The following EPHA5 variants were observed in gnomAD, a reference collection of about 807,000 sequenced individuals.
EPHA5 encodes EPH receptor A5, also known as ephrin type-A receptor 5.
EPHA5 carries 60 observed loss-of-function variants against 105.0 expected under a neutral mutation model. The ratio of observed to expected loss-of-function variants is 0.57; its 90% CI spans 0.46 to 0.71. The LOEUF (loss-of-function observed/expected upper bound fraction) is 0.71. Among genes scored for constraint, EPHA5 ranks in the 30% least tolerant of loss-of-function variants. EPHA5 has a pLI of 0.00. For missense variants in EPHA5, 1,218 were observed against 1,274.7 expected (o/e 0.96, Z 0.68); for synonymous variants, 513 against 449.1 (o/e 1.14, Z -1.80).
chr4:65,369,206 GATTATGTCTACACA>G (rs1718217772), intron 8 of EPHA5, among the ~76,000 whole-genome samples: 1 of 152,136 alleles, frequency 6.6e-6, no homozygotes, highest in African/African-American at 2.4e-5. Context: ...AAGATGTTTT[GATTATGTCTACACA>G]ATGACAGGTG....
At chr4:65,414,563 A>G (rs1325868615) in intron 6 of EPHA5, 120 bp from the exon 7 acceptor site, 3 of 1,093,260 alleles carry the variant, frequency 2.7e-6, no homozygotes, top group South Asian at 3.3e-5. Context: ...TAGTACAAAT[A>G]TAACATTTTA....
intron 2 of EPHA5, among the ~76,000 whole-genome samples, chr4:65,608,417 T>C (rs1000913816): frequency 2.0e-5 from 3 of 150,856 alleles, no homozygotes; most frequent in Non-Finnish European, 2.9e-5. Flanking sequence ...GGCAGGAGAA[T>C]GGCATGAACC....
chr4:65,358,966 T>C (rs1459267774), intron 11 of EPHA5, among the ~76,000 whole-genome samples: 1 of 151,628 alleles, frequency 6.6e-6, no homozygotes. Flanking sequence ...AAGTGGTTAA[T>C]ACAGTAATTA....
At chr4:65,555,772 A>G (rs1225867069) in intron 3 of EPHA5, among the ~76,000 whole-genome samples, 2 of 141,476 alleles carry the variant, frequency 1.4e-5, no homozygotes, top group Non-Finnish European at 2.9e-5. Flanking sequence ...ACAATGAGAT[A>G]TATACCATAT....
intron 2 of EPHA5, among the ~76,000 whole-genome samples, chr4:65,610,357 G>A (rs1744651683): frequency 6.6e-6 from 1 of 151,780 alleles, no homozygotes; most frequent in Non-Finnish European, 1.5e-5. Flanking sequence ...CAGACACTAG[G>A]GACTGCTTGA....
intron 3 of EPHA5, among the ~76,000 whole-genome samples, chr4:65,598,969 G>A (rs545177015): frequency 6.6e-6 from 1 of 151,992 alleles, no homozygotes; most frequent in Non-Finnish European, 1.5e-5. Flanking sequence ...TGTGAAGGGG[G>A]GAGGTTTCAG....
At chr4:65,343,623 T>C (rs997634168) in intron 14 of EPHA5, among the ~76,000 whole-genome samples, 4 of 152,342 alleles carry the variant, frequency 2.6e-5, no homozygotes, top group Middle Eastern at 3.4e-3. Context: ...TTAAATATAG[T>C]TGATTTGTCA....
At chr4:65,331,861 C>A in intron 16 of EPHA5, 112 bp downstream of exon 16, 2 of 1,446,590 alleles carry the variant, frequency 1.4e-6, no homozygotes, top group African/African-American at 2.9e-5. Context: ...TCTTTGAGAG[C>A]TGCCACACAT....
chr4:65,626,499 C>T (rs1432317812), intron 2 of EPHA5, among the ~76,000 whole-genome samples: 3 of 152,160 alleles, frequency 2.0e-5, no homozygotes, highest in South Asian at 4.1e-4. Context: ...TACTGCTTCA[C>T]GTATTTAATT....
intron 3 of EPHA5, among the ~76,000 whole-genome samples, chr4:65,595,788 G>C (rs968171202): frequency 1.3e-5 from 2 of 151,996 alleles, no homozygotes; most frequent in Non-Finnish European, 2.9e-5. Flanking sequence ...CACCATGTTA[G>C]CCAGGATGGT....
intron 3 of EPHA5, among the ~76,000 whole-genome samples, chr4:65,560,837 T>C (rs1207173380): frequency 6.6e-6 from 1 of 152,096 alleles, no homozygotes; most frequent in African/African-American, 2.4e-5. Flanking sequence ...GATTTTATGC[T>C]TTCAGTCCTT....
intron 3 of EPHA5, among the ~76,000 whole-genome samples, chr4:65,507,175 G>T (rs891980064): frequency 9.9e-5 from 15 of 152,222 alleles, no homozygotes; most frequent in Admixed American, 7.9e-4. Context: ...TCAGATAGTT[G>T]TAGATATGTG....
intron 4 of EPHA5, among the ~76,000 whole-genome samples, chr4:65,491,126 A>C (rs772492736): frequency 4.7e-4 from 71 of 152,146 alleles, no homozygotes; most frequent in Non-Finnish European, 9.6e-4. Context: ...ACTAAGAAAC[A>C]AGCATAGGAA....
intron 3 of EPHA5, among the ~76,000 whole-genome samples, chr4:65,505,760 ATT>A (rs957346363): frequency 2.0e-5 from 3 of 152,088 alleles, no homozygotes; most frequent in African/African-American, 7.2e-5. Context: ...ATTTGTAATT[ATT>A]TTTTAAGTTT....
At chr4:65,381,677 T>C (rs1719577638) in intron 8 of EPHA5, among the ~76,000 whole-genome samples, 1 of 151,822 alleles carries the variant, frequency 6.6e-6, no homozygotes, top group Non-Finnish European at 1.5e-5. Context: ...GTACTAAATG[T>C]GTTTCCGCCA....
intron 2 of EPHA5, among the ~76,000 whole-genome samples, chr4:65,622,904 G>A (rs1745828892): frequency 6.6e-6 from 1 of 152,030 alleles, no homozygotes; most frequent in Non-Finnish European, 1.5e-5. Context: ...TAAGAACTGA[G>A]TGTCTGGCAC....
At chr4:65,474,371 A>G (rs2149169897) in intron 5 of EPHA5, among the ~76,000 whole-genome samples, 1 of 152,302 alleles carries the variant, frequency 6.6e-6, no homozygotes, top group East Asian at 1.9e-4. Context: ...GGCAGATACA[A>G]CCAAAGCAAA....
chr4:65,422,139 G>T (rs1724003798), intron 5 of EPHA5, among the ~76,000 whole-genome samples: 1 of 152,078 alleles, frequency 6.6e-6, no homozygotes. Flanking sequence ...CAGTTCAGTA[G>T]CTAAGAATAC....
At chr4:65,527,978 A>C (rs1735401741) in intron 3 of EPHA5, among the ~76,000 whole-genome samples, 1 of 152,122 alleles carries the variant, frequency 6.6e-6, no homozygotes, top group Admixed American at 6.6e-5. Context: ...TTTGCTAAGG[A>C]TAAACATTTT....
Sources: gnomAD v4.1 joint callset for allele counts (sites outside exome capture counted in the v4.1 genomes callset) on GRCh38, gnomAD v4.1.1 for gene constraint, MANE v1.5 for transcripts, NCBI Gene and HGNC (gene_info 2026-07-23, HGNC 2026-07-21) for gene names.